Variants in ATP5PF observed in about 807,000 individuals in gnomAD.
ATP5PF encodes ATP synthase peripheral stalk subunit F6, mitochondrial.
A neutral mutation model predicts 12.0 loss-of-function variants in ATP5PF; 7 were observed. The observed-to-expected ratio is 0.58, with a 90% CI of 0.33 to 1.10. ATP5PF has a LOEUF of 1.10. ATP5PF is among the 50% of genes least tolerant of loss of function. The pLI is 0.03. For missense variants in ATP5PF, 120 were observed against 127.7 expected (o/e 0.94, Z 0.29); for synonymous variants, 41 against 45.4 (o/e 0.90, Z 0.39).
chr21:25,735,011 C>T, upstream of ATP5PF: 1 of 1,535,514 alleles, frequency 6.5e-7, no homozygotes, highest in Non-Finnish European at 8.8e-7. Flanking sequence ...GTCTCGGAGA[C>T]AGTCTGCGAC....
chr21:25,733,442 G>C (rs1234734484), intron 1 of ATP5PF, among the ~76,000 whole-genome samples: 1 of 152,090 alleles, frequency 6.6e-6, no homozygotes, highest in Non-Finnish European at 1.5e-5. Flanking sequence ...AGGCAGAAGG[G>C]CGTAAACCTG....
At position 25,734,510 on chromosome 21, in the gene ATP5PF, C is replaced by G. The variant is rs2034934106; in HGVS notation, c.-8+343G>C. On this transcript the variant is annotated intron_variant, in intron 1 of 3. Transcript: ENST00000284971. ...TCTGCCTAAGTAGCCTAGACGCTCC[C>G]GTGCGCCCGGGGCGGGTAGGCCTGG... The G allele has an allele frequency of 4.7e-6, 3 of 644,164 alleles. No individual in the cohort carries two copies. In the African/African-American group the frequency reaches 5.8e-5, roughly 12 times the overall value. 39.9% of individuals were successfully genotyped at this position (644,164 alleles called of 1,614,324 possible). A position where few individuals can be genotyped will look rare whatever the true frequency, so the allele number is the denominator to read the frequency against.
At chr21:25,734,629 A>C in intron 1 of ATP5PF, 49 of 398,762 alleles carry the variant, frequency 1.2e-4, no homozygotes, top group East Asian at 4.0e-4. Flanking sequence ...CGCCGCCCCG[A>C]TTTGCCCTCA....
intron 1 of ATP5PF, among the ~76,000 whole-genome samples, chr21:25,731,914 G>A (rs961087030): frequency 3.9e-5 from 6 of 151,980 alleles, no homozygotes; most frequent in Non-Finnish European, 5.9e-5. Context: ...GAGAGAACCT[G>A]TCTCTAAAAA....
chr21:25,726,502 A>C (rs1179165564), intron 2 of ATP5PF, among the ~76,000 whole-genome samples: 1 of 152,204 alleles, frequency 6.6e-6, no homozygotes, highest in Non-Finnish European at 1.5e-5. Flanking sequence ...CTAAGATGGA[A>C]AAAGCAAAGA....
intron 2 of ATP5PF, among the ~76,000 whole-genome samples, chr21:25,725,913 A>G (rs2034607204): frequency 6.6e-6 from 1 of 152,222 alleles, no homozygotes; most frequent in Non-Finnish European, 1.5e-5. Context: ...GACACTCACT[A>G]AGTCAGAATT....
At chr21:25,731,790 A>G (rs1175334992) in intron 1 of ATP5PF, among the ~76,000 whole-genome samples, 4 of 152,304 alleles carry the variant, frequency 2.6e-5, no homozygotes, top group African/African-American at 9.6e-5. Context: ...GAAATTAGAT[A>G]TAAGTATTTA....
At chr21:25,734,700 G>A (rs2034948560) in intron 1 of ATP5PF, 153 bp downstream of exon 1, 6 of 738,580 alleles carry the variant, frequency 8.1e-6, no homozygotes, top group South Asian at 1.9e-5. Context: ...AAACGTAGAG[G>A]TCAGCTGTGA....
Position 25,724,581 on chromosome 21 carries a change from T to TCTAA in ATP5PF, c.*55_*58dup. ...TGAAATGCATGTTTATTCTGAAACT[T>TCTAA]CTAACTAGTTGTACAACTAATCCGT... On this transcript the variant is annotated 3_prime_UTR_variant, in exon 4 of 4. Transcript: ENST00000284971. 6.5e-7 allele frequency: 1 copy of TCTAA among 1,546,686 alleles called. No individual in the cohort carries two copies. The highest frequency in any genetic ancestry group is 1.2e-5 in the South Asian group (1 of 86,844).
chr21:25,725,371 C>G (rs1935885555), intron 2 of ATP5PF, 21 bp from the exon 3 acceptor site: 1 of 1,554,454 alleles, frequency 6.4e-7, no homozygotes, highest in Admixed American at 2.1e-5. Context: ...AATGAGCAAA[C>G]AAAAATTAAT....
At chr21:25,725,834 C>T (rs1471552347) in intron 2 of ATP5PF, among the ~76,000 whole-genome samples, 1 of 152,194 alleles carries the variant, frequency 6.6e-6, no homozygotes, top group African/African-American at 2.4e-5. Context: ...TATTTTATTA[C>T]GATGAGGTTT....
intron 3 of ATP5PF, 68 bp downstream of exon 3, chr21:25,725,158 A>G (rs765235467): frequency 3.2e-5 from 49 of 1,535,188 alleles, no homozygotes; most frequent in Non-Finnish European, 4.1e-5. Context: ...TTCTCTAAAA[A>G]TCCAGGTAAG....
In ATP5PF at chr21:25,724,689, G is replaced by A. The variant is rs201392159; in HGVS notation, c.290-12C>T. Reference sequence around the variant, plus strand: ...TTCAAATTTGGGATCTAAGAAGAGGGGGAAAAAAGGGTCAAGCTTAGCCAA... The same window carrying A: ...TTCAAATTTGGGATCTAAGAAGAGGAGGAAAAAAGGGTCAAGCTTAGCCAA... On this transcript the variant is annotated splice_polypyrimidine_tract_variant and intron_variant, in intron 3 of 3. Transcript: ENST00000284971. The A allele has an allele frequency of 1.3e-4, 214 of 1,590,530 alleles. No individual in the cohort carries two copies. Among genetic ancestry groups the A allele is most frequent in the Non-Finnish European group, 1.7e-4 (200 of 1,173,674 alleles).
At position 25,724,552 on chromosome 21, in the gene ATP5PF, G is replaced by T; in HGVS notation, c.*88C>A. On this transcript the variant is annotated 3_prime_UTR_variant, in exon 4 of 4. Transcript: ENST00000284971. ...CTCAGAATTAAAAGAACATTTGACA[G>T]TTATGAAATGCATGTTTATTCTGAA... is the stretch of plus-strand genomic sequence containing the variant. The T allele has an allele frequency of 7.2e-7, 1 of 1,389,038 alleles. No homozygotes were observed. The highest frequency in any genetic ancestry group is 1.0e-6 in the Non-Finnish European group (1 of 994,176). The allele number at this position is 1,389,038 out of a possible 1,614,324, so 86.0% of individuals were successfully genotyped here.
rs912282828 is a variant in ATP5PF, at chr21:25,734,885, G to A, written c.-40C>T. On this transcript the variant is annotated 5_prime_UTR_variant, in exon 1 of 4. Transcript: ENST00000284971. ...TCAGTCCCGAGCTGCCAAAGCCTCCGCCGCCACCACCTCCGCTCTACTTCC... is the reference window on the plus strand; with the variant it reads ...TCAGTCCCGAGCTGCCAAAGCCTCCACCGCCACCACCTCCGCTCTACTTCC... The A allele has an allele frequency of 3.2e-6, 5 of 1,551,878 alleles. No individual in the cohort carries two copies. Among genetic ancestry groups the A allele is most frequent in the Admixed American group, 1.9e-5 (1 of 51,858 alleles).
intron 2 of ATP5PF, among the ~76,000 whole-genome samples, chr21:25,728,966 C>A (rs963150418): frequency 6.6e-6 from 1 of 151,828 alleles, no homozygotes; most frequent in Non-Finnish European, 1.5e-5. Context: ...GAAAATGGAA[C>A]TATGAATTGG....
intron 1 of ATP5PF, among the ~76,000 whole-genome samples, chr21:25,731,276 T>C (rs1434504612): frequency 2.0e-5 from 3 of 152,090 alleles, no homozygotes; most frequent in Non-Finnish European, 4.4e-5. Flanking sequence ...AAAGAGACCA[T>C]AAATAATTAG....
intron 1 of ATP5PF, among the ~76,000 whole-genome samples, chr21:25,731,274 C>A (rs2034769401): frequency 6.6e-6 from 1 of 152,052 alleles, no homozygotes; most frequent in African/African-American, 2.4e-5. Context: ...TAAAAGAGAC[C>A]ATAAATAATT....
intron 1 of ATP5PF, among the ~76,000 whole-genome samples, chr21:25,732,305 A>G (rs1601090982): frequency 6.6e-6 from 1 of 152,214 alleles, no homozygotes; most frequent in African/African-American, 2.4e-5. Context: ...AATGTCAATA[A>G]TGCCAAGGTT....
Sources: allele counts gnomAD v4.1 joint callset (sites outside exome capture counted in the v4.1 genomes callset), GRCh38; gene constraint gnomAD v4.1.1; transcripts MANE v1.5; gene names NCBI Gene and HGNC (gene_info 2026-07-23, HGNC 2026-07-21).